CPZ: variants seen among roughly 807,000 people sequenced by gnomAD.
CPZ encodes VEZT/CPZ fusion.
CPZ carries 103 observed loss-of-function variants against 61.8 expected under a neutral mutation model. The ratio of observed to expected loss-of-function variants is 1.67; its 90% CI spans 1.42 to 1.96. CPZ has a LOEUF of 1.96. Ranked by LOEUF, CPZ falls within the 30% of genes most tolerant of loss-of-function variation. The pLI is 0.00. For synonymous variants in CPZ, 551 were observed against 373.7 expected (o/e 1.47, Z -5.47); for missense variants, 1,461 against 914.9 (o/e 1.60, Z -7.70).
In CPZ at chr4:8,592,840, C is replaced by T. The variant is rs759139720; in HGVS notation, c.7C>T (p.Pro3Ser). 2.8e-5 allele frequency: 42 copies of T among 1,476,746 alleles called. No individual in the cohort carries two copies. Among genetic ancestry groups the T allele is most frequent in the African/African-American group, 1.8e-4 (12 of 68,364 alleles). The allele number at this position is 1,476,746 out of a possible 1,614,324, so 91.5% of individuals were successfully genotyped here. The change falls in exon 1 of 11, where the codon CCC (proline) becomes TCC (serine). Residue 3 changes from proline to serine, a missense_variant. Physicochemically the swap from Pro to Ser is moderately conservative, Grantham distance 74. Coordinates refer to ENST00000360986, the MANE Select transcript of CPZ (RefSeq NM_001014447.3). MP[P>S]PLPLLLLTVL... ...CAAGGTCCGCCGCCCCACCATGCCG[C>T]CCCCGCTGCCGCTGCTGCTCCTTAC...
chr4:8,619,366 C>T lies in CPZ; in HGVS notation c.1708C>T (p.Arg570Trp), dbSNP rs777327579. The change falls in exon 11 of 11, where the codon CGG (arginine) becomes TGG (tryptophan). Residue 570 changes from arginine to tryptophan, a missense_variant. Transcript: ENST00000360986. ...CATCAAGAAAGTCATCATCCCCGCC[C>T]GGATGAAGAGGGCTGGCCGTGTGGA... is the stretch of plus-strand genomic sequence containing the variant. ...KVIKKVIIPA[R>W]MKRAGRVDFI... is the part of the protein sequence containing the mutation. The T allele has an allele frequency of 1.1e-5, 18 of 1,614,088 alleles. No homozygotes were observed. The highest frequency in any genetic ancestry group is 6.7e-5 in the African/African-American group (5 of 74,942).
Position 8,619,623 on chromosome 4 carries a change from G to T in CPZ, c.*6G>T, listed in dbSNP as rs1480750104. 1 of 1,479,854 alleles carries T rather than the reference G, an allele frequency of 6.8e-7. No individual in the cohort carries two copies. Among genetic ancestry groups the T allele is most frequent in the Non-Finnish European group, 9.0e-7 (1 of 1,116,936 alleles). 91.7% of individuals were successfully genotyped at this position (1,479,854 alleles called of 1,614,324 possible). ...GCTGGCTGCTCAAGTACTAGCCCCG[G>T]CCCCAGCACCCGCCAGGATGTGGAG... On this transcript the variant is annotated 3_prime_UTR_variant, in exon 11 of 11. Transcript: ENST00000360986.
intron 8 of CPZ, 28 bp from the exon 9 acceptor site, chr4:8,614,329 CCT>C (rs1715976548): frequency 1.3e-6 from 2 of 1,599,240 alleles, no homozygotes; most frequent in Middle Eastern, 1.7e-4. Flanking sequence ...GGCTGACACC[CCT>C]GACGTCCCCG....
intron 9 of CPZ, among the ~76,000 whole-genome samples, chr4:8,617,369 G>T (rs986772655): frequency 6.6e-6 from 1 of 152,210 alleles, no homozygotes; most frequent in African/African-American, 2.4e-5. Flanking sequence ...GCCCCTCTCG[G>T]GCTAATGTCC....
intron 1 of CPZ, among the ~76,000 whole-genome samples, chr4:8,595,714 T>C (rs139349515): frequency 6.6e-6 from 1 of 152,360 alleles, no homozygotes; most frequent in African/African-American, 2.4e-5. Flanking sequence ...ATACTGATGA[T>C]GTAATCCCTG....
intron 10 of CPZ, among the ~76,000 whole-genome samples, 197 bp from the exon 11 acceptor site, chr4:8,619,065 A>C (rs1222669261): frequency 6.6e-6 from 1 of 152,106 alleles, no homozygotes; most frequent in Admixed American, 6.5e-5. Flanking sequence ...AGGGGTGCCT[A>C]AGCAGGGTTT....
intron 1 of CPZ, among the ~76,000 whole-genome samples, chr4:8,599,130 G>C (rs1029858515): frequency 1.3e-5 from 2 of 152,230 alleles, no homozygotes; most frequent in African/African-American, 2.4e-5. Context: ...TGCCACCTCA[G>C]GGCTCTTCTG....
intron 9 of CPZ, among the ~76,000 whole-genome samples, chr4:8,616,221 G>C (rs529726169): frequency 6.6e-6 from 1 of 152,302 alleles, no homozygotes; most frequent in South Asian, 2.1e-4. Flanking sequence ...GTGGCCAATT[G>C]AGGCTTTTTT....
rs536724127 is a variant in CPZ, at chr4:8,609,803, A to T, written c.1228-2224A>T. ...AGCCATCAATCATCGGGCAGTGATC[A>T]TGCAGCCCTGTGGCCGGCAGTGATC... is the stretch of plus-strand genomic sequence containing the variant. On this transcript the variant is annotated intron_variant, in intron 7 of 10. Transcript: ENST00000360986. Among the ~76,000 whole-genome samples the T allele has an allele frequency of 2.0e-5, 3 of 152,328 alleles. No homozygotes were observed. In the East Asian group the frequency reaches 5.8e-4, roughly 29 times the overall value.
At chr4:8,599,797 C>T (rs1364879472) in intron 2 of CPZ, 3 of 421,088 alleles carry the variant, frequency 7.1e-6, no homozygotes, top group African/African-American at 4.1e-5. Context: ...TGTCCACATG[C>T]ATTTCATGGT....
At chr4:8,610,933 C>T (rs1715599489) in intron 7 of CPZ, among the ~76,000 whole-genome samples, 1 of 152,198 alleles carries the variant, frequency 6.6e-6, no homozygotes, top group South Asian at 2.1e-4. Flanking sequence ...TCATGACCCC[C>T]ACCAGGGAGA....
At chr4:8,609,081 CA>C (rs1715326989) in intron 7 of CPZ, among the ~76,000 whole-genome samples, 1 of 17,216 alleles carries the variant, frequency 5.8e-5, no homozygotes, top group Non-Finnish European at 1.4e-4. Flanking sequence ...ACCACTCATA[CA>C]TTCACCCATT....
Position 8,612,314 on chromosome 4 carries a change from G to C in CPZ, c.1363+152G>C. 4.4e-6 allele frequency: 3 copies of C among 689,180 alleles called. No homozygotes were observed. The South Asian group carries it at 6.3e-5, about 14-fold the overall frequency. The allele number at this position is 689,180 out of a possible 1,614,324, so 42.7% of individuals were successfully genotyped here. On this transcript the variant is annotated intron_variant, in intron 8 of 10. Coordinates refer to ENST00000360986, the MANE Select transcript of CPZ (RefSeq NM_001014447.3). ...TGCCTCACCTGGTGGAGAGGAGGCT[G>C]GCGTGAGTTTTGTTTCTGTCTTGAT...
rs1714933896 is a variant in CPZ, at chr4:8,605,667, C to A, written c.710-322C>A. Among the ~76,000 whole-genome samples, 4 of 130,562 alleles carry A rather than the reference C, an allele frequency of 3.1e-5. 1 individual carries two copies. In the Middle Eastern group the frequency reaches 0.012, roughly 380 times the overall value. The allele number at this position is 130,562 out of a possible 152,430, so 85.7% of individuals were successfully genotyped here. A position where few individuals can be genotyped will look rare whatever the true frequency, so the allele number is the denominator to read the frequency against. ...CATCCACTCAAGGGCCAACCACCTT[C>A]CCAGCTAAGTACCAATGTGCACTTT... is the stretch of plus-strand genomic sequence containing the variant. On this transcript the variant is annotated intron_variant, in intron 4 of 10. Transcript: ENST00000360986.
At chr4:8,598,542 C>A (rs962040842) in intron 1 of CPZ, among the ~76,000 whole-genome samples, 1 of 152,224 alleles carries the variant, frequency 6.6e-6, no homozygotes, top group African/African-American at 2.4e-5. Context: ...ACACGTCCTG[C>A]CTGTGGGTCA....
At chr4:8,594,691 C>T (rs934485948) in intron 1 of CPZ, among the ~76,000 whole-genome samples, 2 of 152,316 alleles carry the variant, frequency 1.3e-5, no homozygotes, top group East Asian at 1.9e-4. Context: ...AACACAAAGC[C>T]ATCCACGCAC....
intron 5 of CPZ, 112 bp downstream of exon 5, chr4:8,606,297 GGAGCATTCA>G: frequency 9.1e-7 from 1 of 1,094,112 alleles, no homozygotes; most frequent in Non-Finnish European, 1.3e-6. Context: ...CTCTAGGAGA[GGAGCATTCA>G]GCAGGTGTCG....
chr4:8,607,243 G>A lies in CPZ; in HGVS notation c.1069-24G>A, dbSNP rs539972460. On this transcript the variant is annotated intron_variant, in intron 6 of 10. Transcript: ENST00000360986. Reference sequence around the variant, plus strand: ...GCCAGTGGGAAAGCCCAGCCCTGAGGGCGGCCTCGTCTGTCCTGGGCAGGT... The same window carrying A: ...GCCAGTGGGAAAGCCCAGCCCTGAGAGCGGCCTCGTCTGTCCTGGGCAGGT... 5.8e-4 allele frequency: 928 copies of A among 1,610,958 alleles called. 23 individuals carry two copies. The South Asian group carries it at 9.8e-3, about 17-fold the overall frequency.
chr4:8,609,663 C>G (rs1715483776), intron 7 of CPZ, among the ~76,000 whole-genome samples: 1 of 152,232 alleles, frequency 6.6e-6, no homozygotes, highest in African/African-American at 2.4e-5. Context: ...CAGGCATCCC[C>G]TCTGCACTGG....
Sources: allele counts gnomAD v4.1 joint callset (sites outside exome capture counted in the v4.1 genomes callset), GRCh38; gene constraint gnomAD v4.1.1; transcripts MANE v1.5; gene names NCBI Gene and HGNC (gene_info 2026-07-23, HGNC 2026-07-21).